The following BICRAL variants were observed in gnomAD, a reference collection of about 807,000 sequenced individuals.
BICRAL encodes the protein BRD4-interacting chromatin-remodeling complex-associated protein-like.
In BICRAL, 8 loss-of-function variants were observed where a neutral mutation model predicts 91.8. The observed-to-expected ratio is 0.09, with a 90% CI of 0.05 to 0.16. BICRAL has a LOEUF of 0.16. BICRAL is among the 10% of genes least tolerant of loss of function. BICRAL has a pLI of 1.00. For missense variants in BICRAL, 1,038 were observed against 1,310.9 expected, an observed-to-expected ratio of 0.79 and a Z score of 3.21; for synonymous variants, 445 against 491.1, an observed-to-expected ratio of 0.91 and a Z score of 1.24.
At position 42,821,047 on chromosome 6, in the gene BICRAL, C is replaced by T. The variant is rs190682259; in HGVS notation, c.-5-971C>T. ...TGTCCCTTCTGCCTTCGGGCGTGTC[C>T]CTCTTCTGGGCATCTTTTCAGGATT... On this transcript the variant is annotated intron_variant, in intron 2 of 12. Transcript: ENST00000314073. 138 of 152,302 alleles carry T rather than the reference C, an allele frequency of 9.1e-4. 1 individual carries two copies. Among genetic ancestry groups the T allele is most frequent in the African/African-American group, 3.2e-3 (133 of 41,556 alleles). 9.4% of individuals were successfully genotyped at this position (152,302 alleles called of 1,614,324 possible). A position where few individuals can be genotyped will look rare whatever the true frequency, so the allele number is the denominator to read the frequency against.
rs113235956 is a variant in BICRAL, at chr6:42,828,941, A to G, written c.608A>G (p.Asn203Ser). The change falls in exon 6 of 13, where the codon AAT becomes AGT. Residue 203 changes from asparagine (N) to serine (S), a missense_variant. Asn to Ser is a conservative substitution (Grantham distance 46). Around this residue, in one of 5 missense-constraint regions of BICRAL, gnomAD observed 532 missense variants for 724.9 expected, o/e 0.73. Transcript: ENST00000314073. ...GISVPSQHLSNSSQISGSGQI... is the reference protein window; with the variant it reads ...GISVPSQHLSSSSQISGSGQI... ...AGTGTTCCCAGCCAGCATTTGTCTA[A>G]TAGCAGTCAGATTAGTGGTTCTGGT... 4,713 of 1,614,152 alleles carry G rather than the reference A, an allele frequency of 2.9e-3. 120 individuals are homozygous for G. In the African/African-American group the frequency reaches 0.054, roughly 19 times the overall value.
At chr6:42,818,210 T>C (rs1764050054) in intron 2 of BICRAL, among the ~76,000 whole-genome samples, 1 of 152,330 alleles carries the variant, frequency 6.6e-6, no homozygotes, top group African/African-American at 2.4e-5. Flanking sequence ...GGACATGTAG[T>C]ATCTCACTAC....
At chr6:42,791,076 A>G (rs1413961600) in intron 1 of BICRAL, among the ~76,000 whole-genome samples, 2 of 152,040 alleles carry the variant, frequency 1.3e-5, no homozygotes, top group African/African-American at 4.8e-5. Context: ...AGGAGAGCTC[A>G]GGGGCTGTCA....
chr6:42,868,303 A>G lies in BICRAL; in HGVS notation c.*2857A>G, dbSNP rs752789187. The G allele has an allele frequency of 6.6e-6, 1 of 152,042 alleles. No individual in the cohort carries two copies. Among genetic ancestry groups the G allele is most frequent in the Non-Finnish European group, 1.5e-5 (1 of 67,970 alleles). The allele number at this position is 152,042 out of a possible 1,614,324, so 9.4% of individuals were successfully genotyped here. On this transcript the variant is annotated 3_prime_UTR_variant, in exon 13 of 13. Transcript: ENST00000314073. ...TCGCTGTCAGTGTGGTGTGGGCTTT[A>G]TTTGCTTAAATACCTTCATTTGTAT... is the stretch of plus-strand genomic sequence containing the variant.
intron 7 of BICRAL, chr6:42,852,487 C>T: frequency 2.0e-6 from 1 of 507,206 alleles, no homozygotes; most frequent in Non-Finnish European, 3.8e-6. Context: ...CATGATGAAA[C>T]CCCATCTCTA....
chr6:42,760,781 G>C (rs543592662), intron 1 of BICRAL, among the ~76,000 whole-genome samples: 51 of 146,398 alleles, frequency 3.5e-4, no homozygotes, highest in Admixed American at 1.6e-3. Flanking sequence ...CAGCAATTTG[G>C]GAGGTAGAGG....
At position 42,866,840 on chromosome 6, in the gene BICRAL, T is replaced by C. The variant is rs912262243; in HGVS notation, c.*1394T>C. The C allele has an allele frequency of 8.8e-6, 4 of 456,306 alleles. No individual in the cohort carries two copies. Among genetic ancestry groups the C allele is most frequent in the Non-Finnish European group, 1.8e-5 (4 of 226,820 alleles). 28.3% of individuals were successfully genotyped at this position (456,306 alleles called of 1,614,324 possible). A position where few individuals can be genotyped will look rare whatever the true frequency, so the allele number is the denominator to read the frequency against. ...TATCCCATTTCTGTTGTTACCTTTA[T>C]TCTTAATGTCATTGTAACCATCACT... On this transcript the variant is annotated 3_prime_UTR_variant, in exon 13 of 13. Transcript: ENST00000314073.
At position 42,757,443 on chromosome 6, in the gene BICRAL, G is replaced by A. The variant is rs148102512; in HGVS notation, c.-261+10420G>A. Among the ~76,000 whole-genome samples, 151 of 152,152 alleles carry A rather than the reference G, an allele frequency of 9.9e-4. 1 individual carries two copies. Among genetic ancestry groups the A allele is most frequent in the African/African-American group, 3.6e-3 (148 of 41,520 alleles). On this transcript the variant is annotated intron_variant, in intron 1 of 14. Coordinates refer to the BICRAL transcript ENST00000614467. ...AATTTTTTGTATTTTTACTAGAGAC[G>A]GGGTTTCACCCTGTTAGCCAGGATG... is the stretch of plus-strand genomic sequence containing the variant.
intron 6 of BICRAL, among the ~76,000 whole-genome samples, chr6:42,841,214 G>A (rs1446140905): frequency 1.5e-5 from 2 of 129,960 alleles, no homozygotes; most frequent in African/African-American, 3.0e-5. Flanking sequence ...TTTTGAGATG[G>A]GGTCTCACTT....
chr6:42,833,493 G>A (rs1191041858), intron 6 of BICRAL, among the ~76,000 whole-genome samples: 2 of 151,740 alleles, frequency 1.3e-5, no homozygotes, highest in African/African-American at 2.4e-5. Context: ...TATTGTCCAG[G>A]CTAGAGTGCA....
chr6:42,815,401 A>T lies in BICRAL; in HGVS notation c.-6+5000A>T, dbSNP rs199647419. ...AAGACAGGGTTTCACCATGTTGGCC[A>T]GGTTGGTCTCAAACTCCTGACCTCA... On this transcript the variant is annotated intron_variant, in intron 2 of 12. Transcript: ENST00000314073. Among the ~76,000 whole-genome samples the T allele has an allele frequency of 2.0e-5, 3 of 151,804 alleles. No individual in the cohort carries two copies. In the East Asian group the frequency reaches 5.9e-4, roughly 30 times the overall value.
At chr6:42,859,117 A>G (rs555391144) in intron 10 of BICRAL, among the ~76,000 whole-genome samples, 13 of 152,064 alleles carry the variant, frequency 8.5e-5, no homozygotes, top group Admixed American at 6.6e-4. Flanking sequence ...AGGGCTGGGC[A>G]TGGTTCTTCA....
At chr6:42,827,943 C>G (rs1035435919) in intron 5 of BICRAL, among the ~76,000 whole-genome samples, 1 of 152,044 alleles carries the variant, frequency 6.6e-6, no homozygotes, top group African/African-American at 2.4e-5. Context: ...AAGCTAAGCT[C>G]CAAGTAGTCC....
intron 6 of BICRAL, among the ~76,000 whole-genome samples, chr6:42,832,246 G>C (rs1029008885): frequency 6.6e-6 from 1 of 151,314 alleles, no homozygotes; most frequent in African/African-American, 2.4e-5. Flanking sequence ...TACTTAGGAG[G>C]CTGAGGCAGG....
At chr6:42,863,186 C>T (rs1308845594) in intron 12 of BICRAL, among the ~76,000 whole-genome samples, 1 of 151,884 alleles carries the variant, frequency 6.6e-6, no homozygotes, top group Non-Finnish European at 1.5e-5. Context: ...GTAGCTGGGA[C>T]TACAGGCGCC....
At chr6:42,747,236 A>C (rs1215714396) in intron 1 of BICRAL, among the ~76,000 whole-genome samples, 1 of 152,180 alleles carries the variant, frequency 6.6e-6, no homozygotes, top group Admixed American at 6.5e-5. Context: ...GCAGGGCGAG[A>C]ACCCGAGACG....
chr6:42,845,339 C>T lies in BICRAL; in HGVS notation c.1840-6753C>T, dbSNP rs553672706. ...CGACTCCCGGGTTCAAGCGATTCTC[C>T]TGTCTCAGCCTCCGGAGGGATTACA... On this transcript the variant is annotated intron_variant, in intron 6 of 12. Transcript: ENST00000314073. Among the ~76,000 whole-genome samples the T allele has an allele frequency of 4.7e-5, 7 of 149,382 alleles. No individual in the cohort carries two copies. In the South Asian group the frequency reaches 1.5e-3, roughly 32 times the overall value.
upstream of BICRAL, among the ~76,000 whole-genome samples, chr6:42,779,628 A>G (rs1762857473): frequency 6.6e-6 from 1 of 152,228 alleles, no homozygotes; most frequent in Admixed American, 6.5e-5. Flanking sequence ...AGCATACATT[A>G]TGAATGATAG....
At chr6:42,802,211 G>A (rs750219960) in intron 1 of BICRAL, among the ~76,000 whole-genome samples, 3 of 151,704 alleles carry the variant, frequency 2.0e-5, no homozygotes, top group Admixed American at 6.6e-5. Flanking sequence ...TCATGCCATC[G>A]TACTCCAGCC....
Sources: gnomAD v4.1 joint callset for allele counts (sites outside exome capture counted in the v4.1 genomes callset) on GRCh38, gnomAD v4.1.1 for gene constraint, gnomAD v4.1.1 regional missense constraint, MANE v1.5 for transcripts, NCBI Gene and HGNC (gene_info 2026-07-23, HGNC 2026-07-21) for gene names.